The following SLC15A5 variants were observed in gnomAD, a reference collection of about 807,000 sequenced individuals.
SLC15A5 encodes the protein Peptide/histidine transporter ENSP00000340402.
Under a neutral mutation model 56.1 loss-of-function variants are expected in SLC15A5, and 58 were observed. The observed-to-expected ratio is 1.03, with a 90% CI of 0.84 to 1.29. The LOEUF (loss-of-function observed/expected upper bound fraction) is 1.29, where lower values mean the gene tolerates loss of function less well. Ranked by LOEUF, SLC15A5 falls within the 50% of genes most tolerant of loss-of-function variation. SLC15A5 has a pLI of 0.00. For missense variants in SLC15A5, 681 were observed against 672.1 expected (o/e 1.01, Z -0.15); for synonymous variants, 264 against 250.5 (o/e 1.05, Z -0.51).
At position 16,243,542 on chromosome 12, in the gene SLC15A5, C is replaced by A. The variant is rs1864432619; in HGVS notation, c.975+1038G>T. Reference sequence around the variant, plus strand: ...TATAATTTTCATGTGCTAGAAAATACTATTCTTTTTTTAATTTTTTTCAAA... The same window carrying A: ...TATAATTTTCATGTGCTAGAAAATAATATTCTTTTTTTAATTTTTTTCAAA... On this transcript the variant is annotated intron_variant, in intron 4 of 8. Coordinates refer to ENST00000344941, the MANE Select transcript of SLC15A5 (RefSeq NM_001170798.1). The surrounding 1 kb of genome is among the most constrained non-coding windows in gnomAD (Gnocchi z 4.4). 6.6e-6 allele frequency among the ~76,000 whole-genome samples: 1 copy of A among 152,054 alleles called. No individual in the cohort carries two copies. Among genetic ancestry groups the A allele is most frequent in the African/African-American group, 2.4e-5 (1 of 41,394 alleles).
intron 1 of SLC15A5, among the ~76,000 whole-genome samples, chr12:16,276,085 T>C (rs1864815314): frequency 6.6e-6 from 1 of 152,048 alleles, no homozygotes; most frequent in Non-Finnish European, 1.5e-5. Context: ...TCTTCTCTAT[T>C]GCATTTCCAG....
Position 16,213,138 on chromosome 12 carries a change from C to T in SLC15A5, c.1483+3755G>A, listed in dbSNP as rs561700115. Among the ~76,000 whole-genome samples, 180 of 152,046 alleles carry T rather than the reference C, an allele frequency of 1.2e-3. 1 individual carries two copies. The highest frequency in any genetic ancestry group is 4.0e-3 in the African/African-American group (166 of 41,478). On this transcript the variant is annotated intron_variant, in intron 7 of 8. Coordinates refer to ENST00000344941, the MANE Select transcript of SLC15A5 (RefSeq NM_001170798.1). ...AGCCATATTTTAAGAAAGATACTGA[C>T]GAGTTGCTGTTTGTTTAATGGATGG... is the stretch of plus-strand genomic sequence containing the variant.
At chr12:16,264,998 T>A (rs913746214) in intron 2 of SLC15A5, among the ~76,000 whole-genome samples, 5 of 152,202 alleles carry the variant, frequency 3.3e-5, no homozygotes, top group Non-Finnish European at 7.3e-5. Flanking sequence ...CCAGGAAGTG[T>A]GGTCCAGGTT....
chr12:16,203,821 A>G (rs1863987008), intron 7 of SLC15A5, among the ~76,000 whole-genome samples: 1 of 152,162 alleles, frequency 6.6e-6, no homozygotes, highest in Non-Finnish European at 1.5e-5. Flanking sequence ...CAACTGAAAT[A>G]CTCTTATAAA....
chr12:16,206,967 C>T (rs528780704), intron 7 of SLC15A5, among the ~76,000 whole-genome samples: 6 of 152,218 alleles, frequency 3.9e-5, no homozygotes, highest in Admixed American at 2.0e-4. Flanking sequence ...AGTGTGTTCT[C>T]ATGATGATTT....
chr12:16,256,096 T>A (rs11612084), intron 3 of SLC15A5, among the ~76,000 whole-genome samples: 26,257 of 152,172 alleles, frequency 0.17, 2,516 homozygotes, highest in Middle Eastern at 0.21. Flanking sequence ...ATAGTTTTTT[T>A]AAAGAAATCC....
chr12:16,244,631 G>A lies in SLC15A5; in HGVS notation c.924C>T (p.Thr308=), dbSNP rs774728638. 14 of 1,537,630 alleles carry A rather than the reference G, an allele frequency of 9.1e-6. No individual in the cohort carries two copies. The highest frequency in any genetic ancestry group is 1.1e-5 in the Non-Finnish European group (13 of 1,147,012). ...GCTGAAAAATGAAGAGAGGGAGAAG[G>A]GTGAGGAAAAATGTTGTGTCTTCTA... The part of the protein sequence containing the change: ...LHVEDTTFFL[T]LLPLFIFQLL... Residue 308 remains threonine, a synonymous_variant, in exon 4 of 9, where the codon ACC becomes ACT. Transcript: ENST00000344941.
At chr12:16,222,030 T>C (rs559042323) in intron 6 of SLC15A5, among the ~76,000 whole-genome samples, 1 of 152,208 alleles carries the variant, frequency 6.6e-6, no homozygotes, top group Admixed American at 6.5e-5. Context: ...TATTAATTCA[T>C]GTGAAACATG....
intron 6 of SLC15A5, among the ~76,000 whole-genome samples, chr12:16,224,031 G>A (rs1864214278): frequency 6.6e-6 from 1 of 152,126 alleles, no homozygotes; most frequent in Non-Finnish European, 1.5e-5. Flanking sequence ...GTTTATCTAT[G>A]AGTGAGAGTC....
At chr12:16,275,085 G>T (rs1353168116) in intron 1 of SLC15A5, among the ~76,000 whole-genome samples, 1 of 152,012 alleles carries the variant, frequency 6.6e-6, no homozygotes, top group Non-Finnish European at 1.5e-5. Flanking sequence ...AGAGAAGTCA[G>T]CCATGCAGGT....
chr12:16,189,855 G>A (rs1449277367), intron 8 of SLC15A5, 40 bp from the exon 9 acceptor site: 1 of 1,366,984 alleles, frequency 7.3e-7, no homozygotes, highest in South Asian at 1.8e-5. Flanking sequence ...AGGACCAGAT[G>A]TAGATGAATT....
At chr12:16,217,256 T>C (rs933073099) in intron 6 of SLC15A5, among the ~76,000 whole-genome samples, 5 of 152,158 alleles carry the variant, frequency 3.3e-5, no homozygotes, top group African/African-American at 1.2e-4. Flanking sequence ...AATGAGAATT[T>C]GATTACTTAG....
intron 7 of SLC15A5, among the ~76,000 whole-genome samples, chr12:16,200,469 G>A (rs530683590): frequency 3.9e-5 from 6 of 152,022 alleles, no homozygotes; most frequent in Admixed American, 1.3e-4. Flanking sequence ...GCCAGTTTTT[G>A]ATCAAATTGT....
At chr12:16,225,171 A>G (rs2136249919) in intron 5 of SLC15A5, among the ~76,000 whole-genome samples, 1 of 152,276 alleles carries the variant, frequency 6.6e-6, no homozygotes, top group African/African-American at 2.4e-5. Context: ...TATTGTGAGT[A>G]GTGCCGCAAT....
Position 16,196,849 on chromosome 12 carries a change from A to C in SLC15A5, c.1484-2396T>G, listed in dbSNP as rs542676485. Among the ~76,000 whole-genome samples, 1 of 152,188 alleles carries C rather than the reference A, an allele frequency of 6.6e-6. No individual in the cohort carries two copies. The highest frequency in any genetic ancestry group is 2.1e-4 in the South Asian group (1 of 4,824). ...AAGGTAAAACATAATATTTTAAAGA[A>C]ATTGTTTCATTATGGCAAATACCAG... On this transcript the variant is annotated intron_variant, in intron 7 of 8. Coordinates refer to ENST00000344941, the MANE Select transcript of SLC15A5 (RefSeq NM_001170798.1). The surrounding 1 kb of genome is among the most constrained non-coding windows in gnomAD (Gnocchi z 4.0).
rs1353673695 is a variant in SLC15A5, at chr12:16,193,812, A to C, written c.1592+533T>G. 7.8e-5 allele frequency among the ~76,000 whole-genome samples: 11 copies of C among 140,744 alleles called. No individual in the cohort carries two copies. The East Asian group carries it at 8.2e-4, about 10-fold the overall frequency. The allele number at this position is 140,744 out of a possible 152,430, so 92.3% of individuals were successfully genotyped here. A position where few individuals can be genotyped will look rare whatever the true frequency, so the allele number is the denominator to read the frequency against. On this transcript the variant is annotated intron_variant, in intron 8 of 8. Transcript: ENST00000344941. ...GAGAGAGAGAGAGAGAGAGAGAGAGAGAGAGAGAGAGAGAGAGAGAGAGAG... is the reference window on the plus strand; with the variant it reads ...GAGAGAGAGAGAGAGAGAGAGAGAGCGAGAGAGAGAGAGAGAGAGAGAGAG...
Position 16,274,332 on chromosome 12 carries a change from T to G in SLC15A5, c.362-1549A>C, listed in dbSNP as rs574145004. Among the ~76,000 whole-genome samples the G allele has an allele frequency of 1.8e-4, 27 of 152,236 alleles. 1 individual carries two copies. The South Asian group carries it at 5.2e-3, about 29-fold the overall frequency. On this transcript the variant is annotated intron_variant, in intron 1 of 8. Transcript: ENST00000344941. ...ATTCATACTAGTTAGCATCATTAAT[T>G]TTTTTGTTTTGATGATTCGATTAGT...
intron 7 of SLC15A5, among the ~76,000 whole-genome samples, chr12:16,212,458 T>A (rs763236799): frequency 2.0e-5 from 3 of 152,160 alleles, no homozygotes; most frequent in Non-Finnish European, 2.9e-5. Context: ...CTCATTTCTT[T>A]CATTGAGGAA....
intron 6 of SLC15A5, 151 bp downstream of exon 6, chr12:16,224,263 A>G (rs1267715795): frequency 2.9e-6 from 2 of 681,562 alleles, no homozygotes; most frequent in Non-Finnish European, 4.6e-6. Flanking sequence ...AATGTTTGTA[A>G]AAAAGTAATA....
Sources: allele counts gnomAD v4.1 joint callset (sites outside exome capture counted in the v4.1 genomes callset), GRCh38; gene constraint gnomAD v4.1.1; non-coding constraint Gnocchi (gnomAD v3.1); transcripts MANE v1.5; gene names NCBI Gene and HGNC (gene_info 2026-07-23, HGNC 2026-07-21).